The following LHFPL3 variants were observed in gnomAD, a reference collection of about 807,000 sequenced individuals.
LHFPL3 encodes the protein LHFPL tetraspan subfamily member 3 protein.
A neutral mutation model predicts 19.3 loss-of-function variants in LHFPL3; 5 were observed. The ratio of observed to expected loss-of-function variants is 0.26; its 90% confidence interval spans 0.14 to 0.54. The LOEUF is 0.54. LHFPL3 is among the 20% of genes least tolerant of loss of function. The probability of loss-of-function intolerance (pLI) is 0.94; values close to 1 mark genes in which losing one functional copy is unlikely to be tolerated. For synonymous variants in LHFPL3, 133 were observed against 126.2 expected (o/e 1.05, Z -0.36); for missense variants, 249 against 307.4 (o/e 0.81, Z 1.42).
chr7:104,780,585 C>T (rs1794701346), intron 2 of LHFPL3, among the ~76,000 whole-genome samples: 1 of 152,164 alleles, frequency 6.6e-6, no homozygotes, highest in Non-Finnish European at 1.5e-5. Flanking sequence ...TTCGTGTCAC[C>T]AGGCTACCTC....
chr7:104,779,000 A>T (rs887291895), intron 2 of LHFPL3, among the ~76,000 whole-genome samples: 3 of 152,228 alleles, frequency 2.0e-5, no homozygotes, highest in African/African-American at 7.2e-5. Context: ...TTAGGATCTC[A>T]TCGTTGCCTC....
At chr7:104,701,194 G>A (rs2116174610) in intron 1 of LHFPL3, among the ~76,000 whole-genome samples, 1 of 152,206 alleles carries the variant, frequency 6.6e-6, no homozygotes, top group East Asian at 1.9e-4. Context: ...CAAGCATCTA[G>A]TGTTGCTGAT....
At chr7:104,515,248 C>T (rs1465153548) in intron 1 of LHFPL3, among the ~76,000 whole-genome samples, 1 of 152,180 alleles carries the variant, frequency 6.6e-6, no homozygotes, top group African/African-American at 2.4e-5. Flanking sequence ...GGGGATTAAT[C>T]TGCATTAAAG....
At chr7:104,827,466 C>T (rs980826074) in intron 2 of LHFPL3, among the ~76,000 whole-genome samples, 5 of 151,922 alleles carry the variant, frequency 3.3e-5, no homozygotes, top group African/African-American at 1.2e-4. Flanking sequence ...CTAGTGTCAC[C>T]TTATTTTGAT....
At chr7:104,771,932 C>T (rs998820973) in intron 2 of LHFPL3, among the ~76,000 whole-genome samples, 41 of 148,590 alleles carry the variant, frequency 2.8e-4, no homozygotes, top group Middle Eastern at 6.9e-3. Flanking sequence ...AGCGATCCTC[C>T]TGCCTCAGCC....
At chr7:104,480,302 C>T (rs1416067413) in intron 1 of LHFPL3, among the ~76,000 whole-genome samples, 1 of 152,124 alleles carries the variant, frequency 6.6e-6, no homozygotes, top group Non-Finnish European at 1.5e-5. Context: ...GTACCTGATG[C>T]ACAGCAGATG....
rs559522138 is a variant in LHFPL3 at position 104,591,729 on chromosome 7, C to T, written c.446-144946C>T. On this transcript the variant is annotated intron_variant, in intron 1 of 2. Coordinates refer to ENST00000424859, the MANE Select transcript of LHFPL3 (RefSeq NM_199000.3). The stretch of plus-strand genomic sequence containing the variant: ...GAGTGTTTTCCAAGTTGGTTCCATT[C>T]TCCCCTTCACTTTCAGGTACACTAA... Among the ~76,000 whole-genome samples, 4 of 152,284 alleles carry T rather than the reference C, an allele frequency of 2.6e-5. No homozygotes were observed. In the South Asian group the frequency reaches 8.3e-4, roughly 32 times the overall value.
chr7:104,890,603 G>A (rs566670822), intron 2 of LHFPL3, among the ~76,000 whole-genome samples: 7 of 152,298 alleles, frequency 4.6e-5, no homozygotes, highest in African/African-American at 1.7e-4. Flanking sequence ...TCTGAACACT[G>A]GCCGGGTGAA....
In LHFPL3 at chr7:104,405,537, A is replaced by G. The variant is rs77047525; in HGVS notation, c.445+76313A>G. Among the ~76,000 whole-genome samples the G allele has an allele frequency of 5.1e-3, 783 of 152,328 alleles. 1 individual carries two copies. Among genetic ancestry groups the G allele is most frequent in the Non-Finnish European group, 6.7e-3 (454 of 68,030 alleles). On this transcript the variant is annotated intron_variant, in intron 1 of 2. Transcript: ENST00000424859. The stretch of plus-strand genomic sequence containing the variant: ...TAAATTTTCTCTTTTCATCCTATCA[A>G]CACTCTTATGAAATAAGTACTACGA...
intron 1 of LHFPL3, among the ~76,000 whole-genome samples, chr7:104,572,597 G>A (rs1227835848): frequency 6.6e-6 from 1 of 152,088 alleles, no homozygotes; most frequent in East Asian, 1.9e-4. Context: ...TTTGAAAAAT[G>A]CAATCTACTG....
intron 2 of LHFPL3, among the ~76,000 whole-genome samples, chr7:104,809,878 T>C (rs991798067): frequency 1.3e-5 from 2 of 152,188 alleles, no homozygotes; most frequent in Admixed American, 6.5e-5. Flanking sequence ...ATGAGTGAGA[T>C]GGACATAGTT....
At chr7:104,658,381 A>C (rs946356538) in intron 1 of LHFPL3, among the ~76,000 whole-genome samples, 14 of 152,088 alleles carry the variant, frequency 9.2e-5, no homozygotes, top group African/African-American at 3.4e-4. Context: ...AACTTTGAAA[A>C]CATGCTGATT....
At chr7:104,577,096 A>C (rs1304952019) in intron 1 of LHFPL3, among the ~76,000 whole-genome samples, 1 of 152,240 alleles carries the variant, frequency 6.6e-6, no homozygotes, top group Non-Finnish European at 1.5e-5. Flanking sequence ...AAAAGGATCT[A>C]GCATTTCACT....
At chr7:104,606,345 G>A (rs549099358) in intron 1 of LHFPL3, among the ~76,000 whole-genome samples, 2 of 152,286 alleles carry the variant, frequency 1.3e-5, no homozygotes, top group Admixed American at 6.5e-5. Flanking sequence ...TGCTTTTATC[G>A]TTTTTCTGCA....
chr7:104,693,626 CA>C (rs1356482580), intron 1 of LHFPL3, among the ~76,000 whole-genome samples: 19 of 152,046 alleles, frequency 1.2e-4, no homozygotes, highest in Admixed American at 1.2e-3. Context: ...TGCCTCCCAC[CA>C]TGATTGTAAG....
At chr7:104,675,856 G>A (rs1443920677) in intron 1 of LHFPL3, among the ~76,000 whole-genome samples, 2 of 149,568 alleles carry the variant, frequency 1.3e-5, no homozygotes, top group Non-Finnish European at 3.0e-5. Context: ...TTCCCTTTTA[G>A]ATATATTACA....
chr7:104,870,277 T>C (rs191687380), intron 2 of LHFPL3, among the ~76,000 whole-genome samples: 17 of 152,280 alleles, frequency 1.1e-4, no homozygotes, highest in African/African-American at 3.6e-4. Context: ...AAAGACAGCA[T>C]TGAATACCAA....
intron 1 of LHFPL3, among the ~76,000 whole-genome samples, chr7:104,432,317 T>A (rs1792018303): frequency 6.6e-6 from 1 of 152,218 alleles, no homozygotes; most frequent in Admixed American, 6.5e-5. Flanking sequence ...GCTCATTATC[T>A]TGTCAAGACC....
chr7:104,754,258 A>C (rs1001949226), intron 2 of LHFPL3, among the ~76,000 whole-genome samples: 9 of 152,236 alleles, frequency 5.9e-5, no homozygotes, highest in African/African-American at 2.2e-4. Flanking sequence ...ATAAGAAATA[A>C]TTATCACTTA....
Sources: gnomAD v4.1 joint callset for allele counts (sites outside exome capture counted in the v4.1 genomes callset) on GRCh38, gnomAD v4.1.1 for gene constraint, MANE v1.5 for transcripts, NCBI Gene and HGNC (gene_info 2026-07-23, HGNC 2026-07-21) for gene names.